ZNF519: variants seen among roughly 807,000 people sequenced by gnomAD.
The protein encoded by ZNF519 is similar to Zinc finger protein 85 (Zinc finger protein HPF4) (HTF1).
ZNF519 carries 7 observed loss-of-function variants against 7.4 expected under a neutral mutation model. The observed-to-expected ratio is 0.94, with a 90% CI of 0.54 to 1.77. The LOEUF (loss-of-function observed/expected upper bound fraction) is 1.77, where lower values mean the gene tolerates loss of function less well. ZNF519 is among the 40% of genes most tolerant of loss of function. The pLI, the probability that ZNF519 is intolerant of heterozygous loss-of-function variation, is 0.00. For synonymous variants in ZNF519, 179 were observed against 203.3 expected (o/e 0.88, Z 1.02); for missense variants, 586 against 623.1 (o/e 0.94, Z 0.63).
In ZNF519 at chr18:14,128,165, C is replaced by T. The variant is rs575284618; in HGVS notation, c.4-3689G>A. ...AAAATTAGCCGGGTGTGGTGGTGGG[C>T]GCCTGTAGTCCCAGCTACTCGGGAG... is the stretch of plus-strand genomic sequence containing the variant. On this transcript the variant is annotated intron_variant, in intron 1 of 2. Coordinates refer to ENST00000590202, the MANE Select transcript of ZNF519 (RefSeq NM_145287.4). Among the ~76,000 whole-genome samples the T allele has an allele frequency of 9.2e-5, 14 of 151,832 alleles. No individual in the cohort carries two copies. The South Asian group carries it at 2.1e-3, about 23-fold the overall frequency.
chr18:14,108,102 A>T (rs1292791365), intron 2 of ZNF519, among the ~76,000 whole-genome samples: 1 of 152,178 alleles, frequency 6.6e-6, no homozygotes, highest in Non-Finnish European at 1.5e-5. Flanking sequence ...TGGTGGTACC[A>T]GGTAGTGGTT....
chr18:14,117,755 G>A (rs1011334627), intron 2 of ZNF519, among the ~76,000 whole-genome samples: 5 of 152,128 alleles, frequency 3.3e-5, no homozygotes, highest in African/African-American at 1.2e-4. Context: ...CATGGTGGGA[G>A]CAGGAGCAAG....
At chr18:14,109,718 G>C (rs1464915449) in intron 2 of ZNF519, among the ~76,000 whole-genome samples, 6 of 151,944 alleles carry the variant, frequency 3.9e-5, no homozygotes, top group Non-Finnish European at 8.8e-5. Flanking sequence ...AGTACTAAAA[G>C]TTTATAACTA....
At chr18:14,097,363 A>G (rs902987094), downstream of ZNF519, among the ~76,000 whole-genome samples, 2 of 152,206 alleles carry the variant, frequency 1.3e-5, no homozygotes. Context: ...AGGGTGACAC[A>G]GATGGTCTCA....
intron 1 of ZNF519, among the ~76,000 whole-genome samples, chr18:14,129,378 T>C (rs1370078867): frequency 6.6e-6 from 1 of 152,038 alleles, no homozygotes; most frequent in East Asian, 1.9e-4. Flanking sequence ...TTAGTGGGTA[T>C]GTTCAGGAGT....
intron 2 of ZNF519, chr18:14,121,789 A>G (rs1413531256): frequency 6.6e-6 from 1 of 152,172 alleles, no homozygotes; most frequent in Non-Finnish European, 1.5e-5. Context: ...ATATATCTCA[A>G]TGACACAGTC....
chr18:14,130,462 C>T (rs367719531), intron 1 of ZNF519, among the ~76,000 whole-genome samples: 1 of 151,962 alleles, frequency 6.6e-6, no homozygotes, highest in Admixed American at 6.6e-5. Flanking sequence ...TTAAAAAAAC[C>T]GAAGTTGAAA....
intron 2 of ZNF519, among the ~76,000 whole-genome samples, chr18:14,110,885 T>C (rs1174894520): frequency 1.3e-5 from 2 of 152,054 alleles, no homozygotes; most frequent in African/African-American, 4.8e-5. Context: ...CTTTGGGGAC[T>C]TGAGGGGGAA....
At chr18:14,109,581 C>T (rs1435744815) in intron 2 of ZNF519, among the ~76,000 whole-genome samples, 2 of 151,890 alleles carry the variant, frequency 1.3e-5, no homozygotes, top group East Asian at 1.9e-4. Context: ...TATATAAATA[C>T]ATAGAATTTA....
intron 4 of ZNF519, among the ~76,000 whole-genome samples, chr18:14,077,681 T>G (rs909203222): frequency 5.9e-5 from 9 of 152,134 alleles, no homozygotes; most frequent in African/African-American, 2.2e-4. Flanking sequence ...CCAGGACCCC[T>G]GGAGGGACAG....
chr18:14,084,458 A>C (rs529985760), intron 3 of ZNF519: 1 of 152,170 alleles, frequency 6.6e-6, no homozygotes, highest in African/African-American at 2.4e-5. Context: ...AGCTAGTTCT[A>C]TTCCTGTCCT....
chr18:14,095,986 G>C, downstream of ZNF519, among the ~76,000 whole-genome samples: 1 of 152,350 alleles, frequency 6.6e-6, no homozygotes. Context: ...CACTGTGGAA[G>C]GCTAGCAGTG....
intron 2 of ZNF519, among the ~76,000 whole-genome samples, chr18:14,118,026 G>A (rs754113203): frequency 1.5e-4 from 23 of 152,116 alleles, no homozygotes; most frequent in Non-Finnish European, 3.2e-4. Flanking sequence ...TCAATGAATA[G>A]GTAATTTTTA....
rs1423109713 is a variant in ZNF519, at chr18:14,100,802, A to C, written c.*4115T>G. 4.6e-5 allele frequency: 7 copies of C among 152,308 alleles called. No homozygotes were observed. The highest frequency in any genetic ancestry group is 1.7e-4 in the African/African-American group (7 of 41,558). The allele number at this position is 152,308 out of a possible 1,614,324, so 9.4% of individuals were successfully genotyped here. Reference sequence around the variant, plus strand: ...CATAAGAAAAAATTAATCTGGTAAAATGCAAATAGATGAGTAGGTTAATTC... The same window carrying C: ...CATAAGAAAAAATTAATCTGGTAAACTGCAAATAGATGAGTAGGTTAATTC... On this transcript the variant is annotated 3_prime_UTR_variant, in exon 3 of 3. Transcript: ENST00000590202.
At chr18:14,096,691 C>A (rs1051951723), downstream of ZNF519, among the ~76,000 whole-genome samples, 1 of 152,076 alleles carries the variant, frequency 6.6e-6, no homozygotes, top group African/African-American at 2.4e-5. Context: ...ATTCATGTCT[C>A]CAACCTTTAA....
chr18:14,106,973 C>T lies in ZNF519; in HGVS notation c.131-564G>A, dbSNP rs185539935. Among the ~76,000 whole-genome samples, 163 of 145,094 alleles carry T rather than the reference C, an allele frequency of 1.1e-3. 1 individual carries two copies. Among genetic ancestry groups the T allele is most frequent in the Non-Finnish European group, 2.2e-3 (144 of 66,472 alleles). The stretch of plus-strand genomic sequence containing the variant: ...GAACTTGAGTTCTGGCAAGCCTCAT[C>T]GACATAGTCTAAAATGCTCTGGGCC... On this transcript the variant is annotated intron_variant, in intron 2 of 2. Transcript: ENST00000590202.
intron 2 of ZNF519, among the ~76,000 whole-genome samples, chr18:14,114,667 G>C (rs2046237345): frequency 6.6e-6 from 1 of 152,092 alleles, no homozygotes; most frequent in Admixed American, 6.6e-5. Flanking sequence ...GTATAGTGGG[G>C]GGTTGGTGGG....
downstream of ZNF519, chr18:14,074,168 T>C (rs1019450523): frequency 1.3e-5 from 2 of 152,170 alleles, no homozygotes. Context: ...TTTTCAATTT[T>C]TGAAAGAAAC....
chr18:14,094,183 G>A (rs1228803985), intron 2 of ZNF519, among the ~76,000 whole-genome samples: 1 of 152,126 alleles, frequency 6.6e-6, no homozygotes, highest in East Asian at 1.9e-4. Flanking sequence ...TGTATGCCTG[G>A]GGCCTGTCCT....
Sources: allele counts gnomAD v4.1 joint callset (sites outside exome capture counted in the v4.1 genomes callset), GRCh38; gene constraint gnomAD v4.1.1; transcripts MANE v1.5; gene names NCBI Gene and HGNC (gene_info 2026-07-23, HGNC 2026-07-21).